Variants in OR7A17 observed in about 807,000 individuals in gnomAD.
OR7A17 encodes olfactory receptor family 7 subfamily A member 17.
For synonymous variants in OR7A17, 159 were observed against 142.1 expected, an observed-to-expected ratio of 1.12 and a Z score of -0.85; for missense variants, 366 against 365.5, an observed-to-expected ratio of 1.00 and a Z score of -0.01.
In OR7A17 at chr19:14,885,968, T is replaced by G. The variant is rs1252410277; in HGVS notation, c.-322A>C. The G allele has an allele frequency of 2.6e-5, 4 of 152,158 alleles. No individual in the cohort carries two copies. Among genetic ancestry groups the G allele is most frequent in the Non-Finnish European group, 5.9e-5 (4 of 68,042 alleles). The allele number at this position is 152,158 out of a possible 1,614,324, so 9.4% of individuals were successfully genotyped here. On this transcript the variant is annotated 5_prime_UTR_variant, in exon 1 of 3. Coordinates refer to ENST00000641113, the MANE Select transcript of OR7A17 (RefSeq NM_030901.2). ...TACTGAGTTTTCTGAAAGGAAGGTC[T>G]CCATGGAGAAGTGTAAATTCCTCTC...
In OR7A17 at chr19:14,880,347, A is replaced by G. The variant is rs572655722; in HGVS notation, c.*79T>C. ...AGAAGGAGCAAATTCCACTTTCACA[A>G]CCTGATTCGTGAATCACAATTTCTG... On this transcript the variant is annotated 3_prime_UTR_variant, in exon 3 of 3. Transcript: ENST00000641113. The G allele has an allele frequency of 2.2e-4, 277 of 1,286,878 alleles. 2 individuals carry two copies. The South Asian group carries it at 4.1e-3, about 19-fold the overall frequency. The allele number at this position is 1,286,878 out of a possible 1,614,324, so 79.7% of individuals were successfully genotyped here.
chr19:14,881,356 C>T lies in OR7A17; in HGVS notation c.-1G>A. ...TCCCTGTGTCATTCTCTGGTTCCAT[C>T]TTTTTTTTTCTATTTATTTATTTAT... On this transcript the variant is annotated 5_prime_UTR_variant, in exon 3 of 3. Coordinates refer to ENST00000641113, the MANE Select transcript of OR7A17 (RefSeq NM_030901.2). 7.5e-7 allele frequency: 1 copy of T among 1,326,626 alleles called. No individual in the cohort carries two copies. Among genetic ancestry groups the T allele is most frequent in the Non-Finnish European group, 9.8e-7 (1 of 1,025,526 alleles). The allele number at this position is 1,326,626 out of a possible 1,614,324, so 82.2% of individuals were successfully genotyped here.
Position 14,884,190 on chromosome 19 carries a change from T to C in OR7A17, c.-295+1751A>G, listed in dbSNP as rs190767539. Among the ~76,000 whole-genome samples the C allele has an allele frequency of 3.3e-4, 50 of 152,324 alleles. No homozygotes were observed. In the East Asian group the frequency reaches 8.1e-3, roughly 25 times the overall value. On this transcript the variant is annotated intron_variant, in intron 1 of 2. Coordinates refer to ENST00000641113, the MANE Select transcript of OR7A17 (RefSeq NM_030901.2). ...ATATAAGATCTTAGTGTAGACAAAG[T>C]ATTTTAACTAACGCAAGAAAAAAAA...
chr19:14,884,035 A>C (rs1458335622), intron 1 of OR7A17, among the ~76,000 whole-genome samples: 1 of 152,206 alleles, frequency 6.6e-6, no homozygotes, highest in Admixed American at 6.5e-5. Flanking sequence ...TAAAAGCAGA[A>C]ATAAATAGCT....
Position 14,880,770 on chromosome 19 carries a change from C to A in OR7A17, c.586G>T (p.Asp196Tyr). The change falls in exon 3 of 3, where the codon GAC becomes TAC. Residue 196 changes from aspartate (D) to tyrosine (Y), a missense_variant. Asp to Tyr is a radical substitution (Grantham distance 160). Transcript: ENST00000641113. Reference protein sequence around the residue: ...HLACSDTFLNDMGMYFAAGLL... With the variant: ...HLACSDTFLNYMGMYFAAGLL... ...CCTGCTGCAAAATACATCCCCATGT[C>A]ATTAAGAAAGGTGTCAGAACAGGCA... The A allele has an allele frequency of 6.2e-7, 1 of 1,614,206 alleles. No individual in the cohort carries two copies. Among genetic ancestry groups the A allele is most frequent in the Non-Finnish European group, 8.5e-7 (1 of 1,180,032 alleles).
chr19:14,880,957 T>C lies in OR7A17; in HGVS notation c.399A>G (p.Thr133=). The change falls in exon 3 of 3, where the codon ACA becomes ACG. Residue 133 remains threonine, a synonymous_variant. Transcript: ENST00000641113. The part of the protein sequence containing the change: ...FVAICHPLHY[T]VIMNPRLCGL... ...CACAGAGCCGAGGGTTCATGATGAC[T>C]GTGTAGTGCAGAGGATGACAGATGG... is the stretch of plus-strand genomic sequence containing the variant. 1 of 1,614,108 alleles carries C rather than the reference T, an allele frequency of 6.2e-7. No individual in the cohort carries two copies. The highest frequency in any genetic ancestry group is 1.1e-5 in the South Asian group (1 of 91,062).
chr19:14,880,880 T>C lies in OR7A17; in HGVS notation c.476A>G (p.Gln159Arg), dbSNP rs1356561900. 2 of 1,614,090 alleles carry C rather than the reference T, an allele frequency of 1.2e-6. No homozygotes were observed. Among genetic ancestry groups the C allele is most frequent in the Non-Finnish European group, 1.7e-6 (2 of 1,180,016 alleles). ...GGACAGCCACAATACCATTAAGCTT[T>C]GTGACAAGGAATTCAGGGCAGCAAT... ...WMIAALNSLSQSLMVLWLSFC... is the reference protein window; with the variant it reads ...WMIAALNSLSRSLMVLWLSFC... The change falls in exon 3 of 3, where the codon CAA (glutamine) becomes CGA (arginine). Residue 159 changes from glutamine (Q) to arginine (R), a missense_variant. Physicochemically the swap from Gln to Arg is conservative, Grantham distance 43 (BLOSUM62 1). Transcript: ENST00000641113.
rs558891079 is a variant in OR7A17, at chr19:14,881,520, T to C, written c.-165A>G. The C allele has an allele frequency of 2.8e-6, 1 of 356,344 alleles. No individual in the cohort carries two copies. The highest frequency in any genetic ancestry group is 2.2e-5 in the African/African-American group (1 of 46,474). 22.1% of individuals were successfully genotyped at this position (356,344 alleles called of 1,614,324 possible). On this transcript the variant is annotated 5_prime_UTR_variant, in exon 3 of 3. Coordinates refer to ENST00000641113, the MANE Select transcript of OR7A17 (RefSeq NM_030901.2). The stretch of plus-strand genomic sequence containing the variant: ...CTGAGATTATAGGCATAAGCCATTG[T>C]GCCCAGGCTTGGTTGCATCTTTTCA...
At position 14,882,379 on chromosome 19, in the gene OR7A17, G is replaced by A. The variant is rs183127483; in HGVS notation, c.-294-508C>T. ...GCAGACAAGCTAAAAACTGAACAGAGAGCAGAATGAAGACAGGGCGAGAGT... is the reference window on the plus strand; with the variant it reads ...GCAGACAAGCTAAAAACTGAACAGAAAGCAGAATGAAGACAGGGCGAGAGT... On this transcript the variant is annotated intron_variant, in intron 1 of 2. Coordinates refer to ENST00000641113, the MANE Select transcript of OR7A17 (RefSeq NM_030901.2). Among the ~76,000 whole-genome samples the A allele has an allele frequency of 5.3e-5, 8 of 152,334 alleles. No individual in the cohort carries two copies. In the East Asian group the frequency reaches 9.6e-4, roughly 18 times the overall value.
At chr19:14,885,882 T>A (rs1238765470) in intron 1 of OR7A17, 59 bp downstream of exon 1, 1 of 152,238 alleles carries the variant, frequency 6.6e-6, no homozygotes, top group East Asian at 1.9e-4. Flanking sequence ...CAGGTTAATA[T>A]TCACGGCTCT....
At chr19:14,885,104 C>A (rs1237799012) in intron 1 of OR7A17, among the ~76,000 whole-genome samples, 1 of 152,180 alleles carries the variant, frequency 6.6e-6, no homozygotes, top group Non-Finnish European at 1.5e-5. Context: ...TCTCAGTAAA[C>A]TAGGTATTGA....
Position 14,881,102 on chromosome 19 carries a change from A to C in OR7A17, c.254T>G (p.Ile85Ser). 6.2e-7 allele frequency: 1 copy of C among 1,614,156 alleles called. No homozygotes were observed. The highest frequency in any genetic ancestry group is 8.5e-7 in the Non-Finnish European group (1 of 1,180,036). Residue 85 changes from isoleucine (I) to serine (S), a missense_variant, in exon 3 of 3, where the codon ATC becomes AGC. Physicochemically the swap from Ile to Ser is moderately radical, Grantham distance 142. Transcript: ENST00000641113. ...GGTGATGACTCTGCTCTGTGTCTGG[A>C]TGTTAATGAGCATCTTTGGGATTGT... ...STTIPKMLIN[I>S]QTQSRVITYA...
rs1027011955 is a variant in OR7A17 at position 14,881,382 on chromosome 19, T to G, written c.-27A>C. 3.5e-6 allele frequency: 4 copies of G among 1,127,240 alleles called. 1 individual carries two copies. Among genetic ancestry groups the G allele is most frequent in the Non-Finnish European group, 4.6e-6 (4 of 875,784 alleles). The allele number at this position is 1,127,240 out of a possible 1,614,324, so 69.8% of individuals were successfully genotyped here. A position where few individuals can be genotyped will look rare whatever the true frequency, so the allele number is the denominator to read the frequency against. On this transcript the variant is annotated 5_prime_UTR_variant, in exon 3 of 3. Transcript: ENST00000641113. ...TTTTTTTTTCTATTTATTTATTTAT[T>G]TATTTATTTATTTATTTATTTATTA...
rs554229103 is a variant in OR7A17, at chr19:14,878,686, AT to A, written c.*1739del. ...CCCAATGCAATTCAATGTATGACTG[AT>A]TTTTTTTTTTGAGATGGAGTCTCTG... On this transcript the variant is annotated 3_prime_UTR_variant, in exon 3 of 3. Coordinates refer to ENST00000641113, the MANE Select transcript of OR7A17 (RefSeq NM_030901.2). The A allele has an allele frequency of 0.017, 2,512 of 148,430 alleles. 62 individuals carry two copies. The highest frequency in any genetic ancestry group is 0.057 in the African/African-American group (2,318 of 40,730). The allele number at this position is 148,430 out of a possible 1,614,324, so 9.2% of individuals were successfully genotyped here. A position where few individuals can be genotyped will look rare whatever the true frequency, so the allele number is the denominator to read the frequency against.
rs1192992354 is a variant in OR7A17, at chr19:14,878,373, T to G, written c.*2053A>C. 6.6e-6 allele frequency: 1 copy of G among 152,098 alleles called. No individual in the cohort carries two copies. Among genetic ancestry groups the G allele is most frequent in the Non-Finnish European group, 1.5e-5 (1 of 68,010 alleles). The allele number at this position is 152,098 out of a possible 1,614,324, so 9.4% of individuals were successfully genotyped here. A position where few individuals can be genotyped will look rare whatever the true frequency, so the allele number is the denominator to read the frequency against. On this transcript the variant is annotated 3_prime_UTR_variant, in exon 3 of 3. Coordinates refer to ENST00000641113, the MANE Select transcript of OR7A17 (RefSeq NM_030901.2). Reference sequence around the variant, plus strand: ...ATTTGATTATAAGGGTTGAAGAGAGTTAGAGTATAAAAGAGACAAATGAAC... The same window carrying G: ...ATTTGATTATAAGGGTTGAAGAGAGGTAGAGTATAAAAGAGACAAATGAAC...
At chr19:14,884,938 C>T (rs904598342) in intron 1 of OR7A17, among the ~76,000 whole-genome samples, 5 of 152,164 alleles carry the variant, frequency 3.3e-5, no homozygotes, top group Admixed American at 6.5e-5. Flanking sequence ...ATCATCAAGT[C>T]GGCTTCATCC....
At position 14,881,465 on chromosome 19, in the gene OR7A17, G is replaced by A; in HGVS notation, c.-110C>T. 1 of 657,878 alleles carries A rather than the reference G, an allele frequency of 1.5e-6. No individual in the cohort carries two copies. Among genetic ancestry groups the A allele is most frequent in the South Asian group, 6.5e-5 (1 of 15,272 alleles). 40.8% of individuals were successfully genotyped at this position (657,878 alleles called of 1,614,324 possible). On this transcript the variant is annotated 5_prime_UTR_variant, in exon 3 of 3. Coordinates refer to ENST00000641113, the MANE Select transcript of OR7A17 (RefSeq NM_030901.2). ...GCTGGTCTGAACCTCCTGGACTCATGCGATCCTCCCACTTCAGCCTACAAA... is the reference window on the plus strand; with the variant it reads ...GCTGGTCTGAACCTCCTGGACTCATACGATCCTCCCACTTCAGCCTACAAA...
intron 1 of OR7A17, among the ~76,000 whole-genome samples, chr19:14,883,853 G>T (rs1291761613): frequency 2.6e-5 from 4 of 152,072 alleles, no homozygotes; most frequent in African/African-American, 9.7e-5. Flanking sequence ...TAGTTTATTG[G>T]CAAAGACCTA....
In OR7A17 at chr19:14,881,019, A is replaced by G; in HGVS notation, c.337T>C (p.Leu113=). 6.2e-7 allele frequency: 1 copy of G among 1,614,170 alleles called. No homozygotes were observed. The highest frequency in any genetic ancestry group is 8.5e-7 in the Non-Finnish European group (1 of 1,180,036). Residue 113 remains leucine, a synonymous_variant, in exon 3 of 3, where the codon TTA becomes CTA. Transcript: ENST00000641113. ...TCATAGGCCATCACAGCCAGGAGTA[A>G]GCTGTCTAACCCTCCAAAAAGTACA... ...FFVLFGGLDS[L]LLAVMAYDRF... is the part of the protein sequence containing the mutation.
Sources: gnomAD v4.1 joint callset for allele counts (sites outside exome capture counted in the v4.1 genomes callset) on GRCh38, gnomAD v4.1.1 for gene constraint, MANE v1.5 for transcripts, NCBI Gene and HGNC (gene_info 2026-07-23, HGNC 2026-07-21) for gene names.